The following OTUD4 variants were observed in gnomAD, a reference collection of about 807,000 sequenced individuals.
OTUD4 encodes the protein OTU domain-containing protein 4.
In OTUD4, 24 loss-of-function variants were observed where a neutral mutation model predicts 130.4. The observed-to-expected ratio is 0.18, with a 90% confidence interval of 0.13 to 0.26. The LOEUF (loss-of-function observed/expected upper bound fraction) is 0.26. Among genes scored for constraint, OTUD4 ranks in the 10% least tolerant of loss-of-function variants. The pLI is 1.00. For missense variants in OTUD4, 1,031 were observed against 1,329.4 expected, an observed-to-expected ratio of 0.78 and a Z score of 3.49; for synonymous variants, 420 against 472.5, an observed-to-expected ratio of 0.89 and a Z score of 1.44.
In OTUD4 at chr4:145,142,334, T is replaced by C. The variant is rs556223336; in HGVS notation, c.1684A>G (p.Lys562Glu). Reference sequence around the variant, plus strand: ...GACAAAGACACATGTTCTGCTGGCTTCTTCAAGAAAGGGGTGAGTGGGGGA... The same window carrying C: ...GACAAAGACACATGTTCTGCTGGCTCCTTCAAGAAAGGGGTGAGTGGGGGA... ...KLECPSPAEQ[K>E]PAEHVSLSNP... The change falls in exon 18 of 21, where the codon AAG (lysine) becomes GAG (glutamate). Residue 562 changes from lysine to glutamate, a missense_variant and splice_region_variant. Lys to Glu is a moderately conservative substitution (Grantham distance 56). Transcript: ENST00000447906. 78 of 1,613,276 alleles carry C rather than the reference T, an allele frequency of 4.8e-5. No individual in the cohort carries two copies. Among genetic ancestry groups the C allele is most frequent in the Non-Finnish European group, 6.6e-5 (78 of 1,179,742 alleles).
In OTUD4 at chr4:145,180,117, C is replaced by T. The variant is rs1417142255; in HGVS notation, c.-144G>A. 3 of 469,636 alleles carry T rather than the reference C, an allele frequency of 6.4e-6. No individual in the cohort carries two copies. The highest frequency in any genetic ancestry group is 8.7e-6 in the Non-Finnish European group (3 of 345,760). 29.1% of individuals were successfully genotyped at this position (469,636 alleles called of 1,614,324 possible). ...CGAGCGGCGGCAGGCGGCGGCGGCC[C>T]GAGGCAGCGGTCCGCGCTCTCCGGG... On this transcript the variant is annotated 5_prime_UTR_variant, in exon 1 of 21. Coordinates refer to ENST00000447906, the MANE Select transcript of OTUD4 (RefSeq NM_001366057.1).
intron 6 of OTUD4, among the ~76,000 whole-genome samples, chr4:145,160,166 A>T (rs980078877): frequency 6.6e-6 from 1 of 152,254 alleles, no homozygotes; most frequent in African/African-American, 2.4e-5. Flanking sequence ...ATACTAGCTG[A>T]CAAGTCAGAA....
At chr4:145,179,045 T>C (rs1296376513) in intron 1 of OTUD4, among the ~76,000 whole-genome samples, 1 of 152,054 alleles carries the variant, frequency 6.6e-6, no homozygotes. Context: ...CACAGTGTTA[T>C]ATAACATGGA....
intron 2 of OTUD4, 98 bp from the exon 3 acceptor site, chr4:145,171,818 G>C: frequency 5.6e-6 from 4 of 708,486 alleles, no homozygotes; most frequent in Non-Finnish European, 1.0e-5. Context: ...TACTGAGTTT[G>C]TACATAAACC....
chr4:145,177,285 A>C (rs1032821684), intron 1 of OTUD4, among the ~76,000 whole-genome samples: 2 of 152,246 alleles, frequency 1.3e-5, no homozygotes, highest in African/African-American at 4.8e-5. Context: ...AATCAAAAGC[A>C]ATGGTAGGCA....
chr4:145,165,129 C>T (rs1476986363), intron 4 of OTUD4, 22 bp downstream of exon 4: 7 of 1,416,814 alleles, frequency 4.9e-6, no homozygotes, highest in Non-Finnish European at 6.8e-6. Context: ...TTTTCTTTTA[C>T]TTATGTTATT....
In OTUD4 at chr4:145,137,074, A is replaced by G. The variant is rs1448052827; in HGVS notation, c.*356T>C. The G allele has an allele frequency of 5.5e-6, 1 of 181,264 alleles. No individual in the cohort carries two copies. The highest frequency in any genetic ancestry group is 1.1e-5 in the Non-Finnish European group (1 of 87,024). 11.2% of individuals were successfully genotyped at this position (181,264 alleles called of 1,614,324 possible). On this transcript the variant is annotated 3_prime_UTR_variant, in exon 21 of 21. Coordinates refer to ENST00000447906, the MANE Select transcript of OTUD4 (RefSeq NM_001366057.1). ...AAACACTATAAAGCACACATTTCCA[A>G]CATCTGAAATCAAACTTATAAACTT...
chr4:145,143,682 C>T (rs571776287), intron 16 of OTUD4, among the ~76,000 whole-genome samples: 66 of 152,274 alleles, frequency 4.3e-4, no homozygotes, highest in Non-Finnish European at 8.5e-4. Flanking sequence ...TTATACTCTT[C>T]TCCTTTAAAA....
Position 145,159,570 on chromosome 4 carries a change from G to C in OTUD4, c.562C>G (p.Leu188Val). 3 of 1,612,818 alleles carry C rather than the reference G, an allele frequency of 1.9e-6. No homozygotes were observed. The highest frequency in any genetic ancestry group is 2.5e-6 in the Non-Finnish European group (3 of 1,179,034). ...KTDVSKIVMELDTLEVADEDN... is the reference protein window; with the variant it reads ...KTDVSKIVMEVDTLEVADEDN... ...TCATCAGCTACTTCCAACGTGTCTA[G>C]TTCCATCACAATTTTACTAACATCA... The change falls in exon 7 of 21, where the codon CTA becomes GTA. Residue 188 changes from leucine (L) to valine (V), a missense_variant. This residue lies in a region of OTUD4 where 900 missense variants were observed against 1,095.9 expected (regional missense o/e 0.82). Coordinates refer to ENST00000447906, the MANE Select transcript of OTUD4 (RefSeq NM_001366057.1).
chr4:145,179,610 T>G (rs1232197649), intron 1 of OTUD4: 1 of 1,384,838 alleles, frequency 7.2e-7, no homozygotes, highest in East Asian at 3.0e-5. Context: ...CCCCGTTAAT[T>G]TGCGGGCTTT....
At chr4:145,150,382 T>G (rs1246804341) in intron 13 of OTUD4, 131 bp downstream of exon 13, 7 of 560,474 alleles carry the variant, frequency 1.2e-5, no homozygotes, top group Non-Finnish European at 2.2e-5. Context: ...TTATACAAAA[T>G]GCTCTTAATA....
At chr4:145,153,631 G>A (rs528819233) in intron 10 of OTUD4, among the ~76,000 whole-genome samples, 145 of 152,126 alleles carry the variant, frequency 9.5e-4, no homozygotes, top group African/African-American at 3.3e-3. Context: ...TTAATATTAC[G>A]CAGTTGTAAA....
At chr4:145,160,295 A>G (rs535833080) in intron 6 of OTUD4, among the ~76,000 whole-genome samples, 2 of 152,200 alleles carry the variant, frequency 1.3e-5, no homozygotes, top group South Asian at 2.1e-4. Flanking sequence ...TTAATTTTAC[A>G]TAAGGAACTA....
At chr4:145,159,667 T>A in intron 6 of OTUD4, 32 bp from the exon 7 acceptor site, 1 of 1,606,924 alleles carries the variant, frequency 6.2e-7, no homozygotes, top group Non-Finnish European at 8.5e-7. Context: ...TTTTCCAACA[T>A]TAACTACAGG....
Position 145,141,371 on chromosome 4 carries a change from G to A in OTUD4, c.2083+8C>T. The A allele has an allele frequency of 1.3e-6, 2 of 1,571,578 alleles. No individual in the cohort carries two copies. The highest frequency in any genetic ancestry group is 1.7e-6 in the Non-Finnish European group (2 of 1,160,060). ...TAAAGTCGATTTGAACTTGGAGAAGGAGCTCACCTTTAGGTAGGTCCTCCC... is the reference window on the plus strand; with the variant it reads ...TAAAGTCGATTTGAACTTGGAGAAGAAGCTCACCTTTAGGTAGGTCCTCCC... On this transcript the variant is annotated splice_region_variant and intron_variant, in intron 19 of 20. Transcript: ENST00000447906.
intron 13 of OTUD4, 43 bp downstream of exon 13, chr4:145,150,468 CCT>C (rs1439760305): frequency 5.3e-6 from 7 of 1,318,890 alleles, no homozygotes; most frequent in Non-Finnish European, 7.5e-6. Flanking sequence ...ATAACAAATG[CCT>C]CTTACTTGAT....
intron 7 of OTUD4, among the ~76,000 whole-genome samples, chr4:145,158,169 A>G (rs1751383919): frequency 6.6e-6 from 1 of 152,258 alleles, no homozygotes. Context: ...TTTTAATTCA[A>G]TAAATACCTG....
At chr4:145,176,431 A>G (rs917940031) in intron 1 of OTUD4, among the ~76,000 whole-genome samples, 1 of 151,222 alleles carries the variant, frequency 6.6e-6, no homozygotes, top group Non-Finnish European at 1.5e-5. Context: ...CACGCCTGTA[A>G]TCCCAGCACT....
At position 145,134,655 on chromosome 4, in the gene OTUD4, T is replaced by C. The variant is rs985591853; in HGVS notation, c.*2775A>G. ...GCAGGGTCTGAGCTTAGGTCTGCCA[T>C]GAAAATGAATTTGTGGGTTATCAGT... is the stretch of plus-strand genomic sequence containing the variant. On this transcript the variant is annotated 3_prime_UTR_variant, in exon 21 of 21. Coordinates refer to ENST00000447906, the MANE Select transcript of OTUD4 (RefSeq NM_001366057.1). 31 of 398,636 alleles carry C rather than the reference T, an allele frequency of 7.8e-5. 2 individuals are homozygous for C. The Admixed American group carries it at 1.3e-3, about 17-fold the overall frequency. The allele number at this position is 398,636 out of a possible 1,614,324, so 24.7% of individuals were successfully genotyped here.
Sources: allele counts gnomAD v4.1 joint callset (sites outside exome capture counted in the v4.1 genomes callset), GRCh38; gene constraint gnomAD v4.1.1; regional missense constraint gnomAD v4.1.1; transcripts MANE v1.5; gene names NCBI Gene and HGNC (gene_info 2026-07-23, HGNC 2026-07-21).